Variants in CTNNA3 observed in about 807,000 individuals in gnomAD.
CTNNA3 encodes catenin alpha-3.
CTNNA3 carries 76 observed loss-of-function variants against 95.7 expected under a neutral mutation model. The ratio of observed to expected loss-of-function variants is 0.79; its 90% CI spans 0.66 to 0.96. The LOEUF (loss-of-function observed/expected upper bound fraction) is 0.96. CTNNA3 is among the 40% of genes least tolerant of loss of function. The pLI is 0.00. For synonymous variants in CTNNA3, 431 were observed against 374.4 expected (o/e 1.15, Z -1.74); for missense variants, 1,191 against 1,089.8 (o/e 1.09, Z -1.31).
At chr10:67,073,734 C>T (rs1056557001) in intron 7 of CTNNA3, among the ~76,000 whole-genome samples, 3 of 151,610 alleles carry the variant, frequency 2.0e-5, no homozygotes, top group African/African-American at 7.3e-5. Flanking sequence ...GACAGATAAA[C>T]AAAATAGAGA....
intron 7 of CTNNA3, among the ~76,000 whole-genome samples, chr10:67,115,382 A>G (rs1262840485): frequency 6.6e-6 from 1 of 151,972 alleles, no homozygotes; most frequent in Non-Finnish European, 1.5e-5. Flanking sequence ...AGATATACCT[A>G]ATGCTAAATG....
At chr10:67,486,213 T>C (rs972903423) in intron 5 of CTNNA3, among the ~76,000 whole-genome samples, 1 of 152,184 alleles carries the variant, frequency 6.6e-6, no homozygotes. Context: ...CAGAAATACA[T>C]AGGCGTGCTG....
intron 11 of CTNNA3, among the ~76,000 whole-genome samples, chr10:66,419,943 A>C (rs2093177936): frequency 6.6e-6 from 1 of 152,196 alleles, no homozygotes; most frequent in Non-Finnish European, 1.5e-5. Flanking sequence ...TCCTAGAAGG[A>C]AACATAGGAA....
intron 9 of CTNNA3, among the ~76,000 whole-genome samples, chr10:66,663,969 G>A (rs4745912): frequency 0.66 from 99,494 of 151,862 alleles, 33,421 homozygotes; most frequent in East Asian, 0.95. Flanking sequence ...TCACCTTAAA[G>A]AGTAAAATTT....
Position 67,265,919 on chromosome 10 carries a change from G to A in CTNNA3, c.580-46049C>T, listed in dbSNP as rs576509243. Among the ~76,000 whole-genome samples, 9 of 152,158 alleles carry A rather than the reference G, an allele frequency of 5.9e-5. 1 individual carries two copies. In the South Asian group the frequency reaches 1.0e-3, roughly 18 times the overall value. ...GCAAAGTGCTAGGTCCTAACACCCC[G>A]GAGATTCCAAAATGAAACAGATCAA... is the stretch of plus-strand genomic sequence containing the variant. On this transcript the variant is annotated intron_variant, in intron 5 of 17. Transcript: ENST00000433211.
chr10:67,229,033 C>T (rs1865067180), intron 5 of CTNNA3, among the ~76,000 whole-genome samples: 1 of 151,994 alleles, frequency 6.6e-6, no homozygotes, highest in Admixed American at 6.6e-5. Flanking sequence ...AATTATGGAC[C>T]GAGATCCCTG....
intron 7 of CTNNA3, among the ~76,000 whole-genome samples, chr10:67,109,940 T>A (rs1178026868): frequency 6.6e-6 from 1 of 152,238 alleles, no homozygotes; most frequent in Non-Finnish European, 1.5e-5. Flanking sequence ...AATGCTATTT[T>A]AATGAATGCT....
intron 13 of CTNNA3, among the ~76,000 whole-genome samples, chr10:66,132,350 G>C (rs1327745218): frequency 6.6e-6 from 1 of 152,098 alleles, no homozygotes; most frequent in Non-Finnish European, 1.5e-5. Context: ...ACCACAATGA[G>C]ATACCATCTC....
At chr10:67,752,775 G>C (rs567443214) in intron 1 of CTNNA3, among the ~76,000 whole-genome samples, 1 of 152,212 alleles carries the variant, frequency 6.6e-6, no homozygotes, top group South Asian at 2.1e-4. Flanking sequence ...GGATGTGAAG[G>C]ACCTCTTCAA....
At chr10:66,136,974 A>G (rs2083389306) in intron 13 of CTNNA3, among the ~76,000 whole-genome samples, 1 of 152,046 alleles carries the variant, frequency 6.6e-6, no homozygotes, top group Non-Finnish European at 1.5e-5. Context: ...GGTGCGTGCC[A>G]CCATGCCCAG....
At chr10:66,882,246 T>G (rs1476727018) in intron 7 of CTNNA3, among the ~76,000 whole-genome samples, 2 of 152,070 alleles carry the variant, frequency 1.3e-5, no homozygotes, top group Non-Finnish European at 2.9e-5. Flanking sequence ...AAACCCAAAA[T>G]GTACCTCATG....
chr10:67,001,626 A>C (rs1851698071), intron 7 of CTNNA3, among the ~76,000 whole-genome samples: 1 of 152,176 alleles, frequency 6.6e-6, no homozygotes, highest in South Asian at 2.1e-4. Context: ...TTAATACTCA[A>C]AAAGAATAAT....
intron 7 of CTNNA3, among the ~76,000 whole-genome samples, chr10:66,825,838 C>T (rs903790164): frequency 6.6e-6 from 1 of 152,092 alleles, no homozygotes; most frequent in African/African-American, 2.4e-5. Flanking sequence ...AAATGCTCTC[C>T]CAAATCATTC....
At chr10:67,345,034 T>A (rs1381524427) in intron 5 of CTNNA3, among the ~76,000 whole-genome samples, 1 of 152,054 alleles carries the variant, frequency 6.6e-6, no homozygotes, top group African/African-American at 2.4e-5. Flanking sequence ...GGTTTTGGTA[T>A]GTTGTGTTTC....
At chr10:67,637,216 T>C (rs1839349179) in intron 2 of CTNNA3, among the ~76,000 whole-genome samples, 1 of 152,140 alleles carries the variant, frequency 6.6e-6, no homozygotes, top group Non-Finnish European at 1.5e-5. Context: ...ACGTGACGAA[T>C]GCACAAGCTT....
intron 13 of CTNNA3, among the ~76,000 whole-genome samples, chr10:66,117,085 A>C (rs1286162678): frequency 2.0e-5 from 3 of 152,086 alleles, no homozygotes; most frequent in Non-Finnish European, 4.4e-5. Flanking sequence ...CAGAAATCAG[A>C]TCTGTGGTTA....
chr10:67,555,415 C>A (rs532985352), intron 3 of CTNNA3, among the ~76,000 whole-genome samples: 2 of 152,210 alleles, frequency 1.3e-5, no homozygotes, highest in East Asian at 3.9e-4. Context: ...TTGTTTGAGT[C>A]CTCTTTTATT....
At chr10:66,971,452 C>T (rs1849721474) in intron 7 of CTNNA3, among the ~76,000 whole-genome samples, 1 of 151,686 alleles carries the variant, frequency 6.6e-6, no homozygotes, top group African/African-American at 2.4e-5. Flanking sequence ...TACATACATA[C>T]ATAAACAGTG....
chr10:66,697,456 A>G (rs1040770346), intron 9 of CTNNA3, among the ~76,000 whole-genome samples: 1 of 151,824 alleles, frequency 6.6e-6, no homozygotes, highest in Non-Finnish European at 1.5e-5. Context: ...TACACAAAAT[A>G]TATGGATTAT....
Sources: gnomAD v4.1 joint callset for allele counts (sites outside exome capture counted in the v4.1 genomes callset) on GRCh38, gnomAD v4.1.1 for gene constraint, MANE v1.5 for transcripts, NCBI Gene and HGNC (gene_info 2026-07-23, HGNC 2026-07-21) for gene names.